Variants in SLC12A4 observed in about 807,000 individuals in gnomAD.
SLC12A4 encodes the protein electroneutral potassium-chloride cotransporter 1.
A neutral mutation model predicts 119.2 loss-of-function variants in SLC12A4; 84 were observed. The observed-to-expected ratio is 0.70, with a 90% CI of 0.59 to 0.85. SLC12A4 has a LOEUF of 0.85. Among genes scored for constraint, SLC12A4 ranks in the 40% least tolerant of loss-of-function variants. The pLI is 0.00. For missense variants in SLC12A4, 1,298 were observed against 1,476.3 expected (o/e 0.88, Z 1.98); for synonymous variants, 599 against 604.6 (o/e 0.99, Z 0.14).
At position 67,944,569 on chromosome 16, in the gene SLC12A4, G is replaced by C; in HGVS notation, c.*271C>G. ...GGCCGGCTGCCTTCAAACCCCACTCGGCCCCTACCAGTCTTCTCTGGCCAG... is the reference window on the plus strand; with the variant it reads ...GGCCGGCTGCCTTCAAACCCCACTCCGCCCCTACCAGTCTTCTCTGGCCAG... On this transcript the variant is annotated 3_prime_UTR_variant, in exon 24 of 24. Coordinates refer to ENST00000316341, the MANE Select transcript of SLC12A4 (RefSeq NM_005072.5). The surrounding 1 kb of genome is among the most constrained non-coding windows in gnomAD (Gnocchi z 6.6). 7.7e-7 allele frequency: 1 copy of C among 1,302,574 alleles called. No individual in the cohort carries two copies. Among genetic ancestry groups the C allele is most frequent in the African/African-American group, 1.5e-5 (1 of 67,580 alleles). The allele number at this position is 1,302,574 out of a possible 1,614,324, so 80.7% of individuals were successfully genotyped here.
In SLC12A4 at chr16:67,951,431, T is replaced by A; in HGVS notation, c.1133-127A>T. On this transcript the variant is annotated intron_variant, in intron 8 of 23. Transcript: ENST00000316341. The surrounding 1 kb of genome is among the most constrained non-coding windows in gnomAD (Gnocchi z 5.2). ...CAGGGAACAGCTTCAGCCCAATGAC[T>A]GCAGCGTCAGCCACAGGGCTACCCT... 2 of 1,045,444 alleles carry A rather than the reference T, an allele frequency of 1.9e-6. No individual in the cohort carries two copies. Among genetic ancestry groups the A allele is most frequent in the Non-Finnish European group, 2.7e-6 (2 of 730,346 alleles). The allele number at this position is 1,045,444 out of a possible 1,614,324, so 64.8% of individuals were successfully genotyped here. A position where few individuals can be genotyped will look rare whatever the true frequency, so the allele number is the denominator to read the frequency against.
chr16:67,952,394 T>TA lies in SLC12A4; in HGVS notation c.706dup (p.Tyr236LeufsTer7). The TA allele has an allele frequency of 6.2e-7, 1 of 1,613,988 alleles. No homozygotes were observed. The highest frequency in any genetic ancestry group is 1.1e-5 in the South Asian group (1 of 91,076). On this transcript the variant is annotated frameshift_variant, in exon 7 of 24. Transcript: ENST00000316341. LOFTEE classifies it high-confidence loss of function. The stretch of plus-strand genomic sequence containing the variant: ...CGACGTGTCATGAGCACCCGATGGG[T>TA]AAAAAATGGCAGCTGGTGGGGCAAT...
Position 67,946,229 on chromosome 16 carries a change from C to T in SLC12A4, c.2549G>A (p.Trp850Ter). The part of the protein sequence containing the change: ...RYLEGHIDVW[W>*]IVHDGGMLML... ...GAGCATGCCACCATCGTGCACGATC[C>T]ACCACACGTCTATGTGGCCCTCCAG... Residue 850 changes from tryptophan to a stop codon, truncating the protein, a stop_gained, in exon 19 of 24, where the codon TGG (tryptophan) becomes TAG (stop). Coordinates refer to ENST00000316341, the MANE Select transcript of SLC12A4 (RefSeq NM_005072.5). LOFTEE classifies it high-confidence loss of function. 6.2e-7 allele frequency: 1 copy of T among 1,613,942 alleles called. No individual in the cohort carries two copies. Among genetic ancestry groups the T allele is most frequent in the South Asian group, 1.1e-5 (1 of 91,092 alleles).
chr16:67,947,831 A>T (rs1598212297), intron 14 of SLC12A4, 43 bp from the exon 15 acceptor site: 2 of 1,549,574 alleles, frequency 1.3e-6, no homozygotes, highest in East Asian at 2.4e-5. Context: ...GACCAGGAGG[A>T]CCCCTGGCCA....
At position 67,951,691 on chromosome 16, in the gene SLC12A4, G is replaced by A; in HGVS notation, c.1132+132C>T. The A allele has an allele frequency of 1.2e-6, 1 of 820,730 alleles. No individual in the cohort carries two copies. The highest frequency in any genetic ancestry group is 1.9e-6 in the Non-Finnish European group (1 of 524,950). The allele number at this position is 820,730 out of a possible 1,614,324, so 50.8% of individuals were successfully genotyped here. A position where few individuals can be genotyped will look rare whatever the true frequency, so the allele number is the denominator to read the frequency against. Reference sequence around the variant, plus strand: ...TCGGCTGCCAGGAGCCAGGCTGGGAGGACACTGGGGGGCTGGGAAGGCGGC... The same window carrying A: ...TCGGCTGCCAGGAGCCAGGCTGGGAAGACACTGGGGGGCTGGGAAGGCGGC... On this transcript the variant is annotated intron_variant, in intron 8 of 23. Coordinates refer to ENST00000316341, the MANE Select transcript of SLC12A4 (RefSeq NM_005072.5). This position sits in a 1 kb window ranked among gnomAD's most constrained non-coding sequence, Gnocchi z 5.2.
rs954571516 is a variant in SLC12A4 at position 67,944,274 on chromosome 16, A to G, written c.*566T>C. 9 of 1,418,914 alleles carry G rather than the reference A, an allele frequency of 6.3e-6. No homozygotes were observed. The highest frequency in any genetic ancestry group is 8.3e-6 in the Non-Finnish European group (9 of 1,088,400). The allele number at this position is 1,418,914 out of a possible 1,614,324, so 87.9% of individuals were successfully genotyped here. On this transcript the variant is annotated 3_prime_UTR_variant, in exon 24 of 24. Transcript: ENST00000316341. The surrounding 1 kb of genome is among the most constrained non-coding windows in gnomAD (Gnocchi z 6.6). Reference sequence around the variant, plus strand: ...GGGAGCCGGCTCTGGGCCTGGGTTCAGTTCCGCCTTCTTCTCTTGGCGCCA... The same window carrying G: ...GGGAGCCGGCTCTGGGCCTGGGTTCGGTTCCGCCTTCTTCTCTTGGCGCCA...
intron 1 of SLC12A4, chr16:67,964,125 G>A: frequency 6.7e-7 from 1 of 1,496,172 alleles, no homozygotes. Context: ...CAAGCCCCAG[G>A]CCGTGGAGAG....
intron 1 of SLC12A4, chr16:67,963,896 A>C (rs1567427685): frequency 4.5e-6 from 7 of 1,548,484 alleles, no homozygotes; most frequent in Non-Finnish European, 6.1e-6. Flanking sequence ...GATCGCCTCC[A>C]CGCCCCAGTC....
At chr16:67,964,897 G>C (rs2151340814) in intron 1 of SLC12A4, among the ~76,000 whole-genome samples, 1 of 152,308 alleles carries the variant, frequency 6.6e-6, no homozygotes, top group Non-Finnish European at 1.5e-5. Context: ...CAGGTGCTGT[G>C]CTGTGGATTC....
chr16:67,955,495 G>A (rs2030203882), intron 5 of SLC12A4, among the ~76,000 whole-genome samples: 1 of 152,196 alleles, frequency 6.6e-6, no homozygotes, highest in Non-Finnish European at 1.5e-5. Context: ...GCTGGGGTGA[G>A]TGGATTGCTT....
At position 67,951,080 on chromosome 16, in the gene SLC12A4, T is replaced by A; in HGVS notation, c.1298-20A>T. On this transcript the variant is annotated intron_variant, in intron 9 of 23. Transcript: ENST00000316341. This position sits in a 1 kb window ranked among gnomAD's most constrained non-coding sequence, Gnocchi z 5.2. Reference sequence around the variant, plus strand: ...TGATGCCTCCAAAAACAGATGAGACTCCCTCAGGGGCTCCCCGGGATTGGG... The same window carrying A: ...TGATGCCTCCAAAAACAGATGAGACACCCTCAGGGGCTCCCCGGGATTGGG... 1 of 1,613,596 alleles carries A rather than the reference T, an allele frequency of 6.2e-7. No individual in the cohort carries two copies. The highest frequency in any genetic ancestry group is 8.5e-7 in the Non-Finnish European group (1 of 1,179,844).
At chr16:67,958,442 C>T (rs983530497) in intron 3 of SLC12A4, among the ~76,000 whole-genome samples, 4 of 152,240 alleles carry the variant, frequency 2.6e-5, no homozygotes, top group East Asian at 1.9e-4. Flanking sequence ...ACTCTAGTCC[C>T]GGTAGACACT....
intron 1 of SLC12A4, 143 bp from the exon 2 acceptor site, chr16:67,963,702 C>T: frequency 1.2e-6 from 1 of 828,004 alleles, no homozygotes; most frequent in Non-Finnish European, 1.8e-6. Context: ...TTTCACATGG[C>T]ACCGTGCCAA....
chr16:67,947,878 C>T lies in SLC12A4; in HGVS notation c.1848-90G>A, dbSNP rs565170141. 2.1e-4 allele frequency: 322 copies of T among 1,521,272 alleles called. 2 individuals are homozygous for T. In the African/African-American group the frequency reaches 3.6e-3, roughly 17 times the overall value. The allele number at this position is 1,521,272 out of a possible 1,614,324, so 94.2% of individuals were successfully genotyped here. A position where few individuals can be genotyped will look rare whatever the true frequency, so the allele number is the denominator to read the frequency against. On this transcript the variant is annotated intron_variant, in intron 14 of 23. Coordinates refer to ENST00000316341, the MANE Select transcript of SLC12A4 (RefSeq NM_005072.5). The stretch of plus-strand genomic sequence containing the variant: ...ATGCCCTGGTAGCCCTGTCAGGTCC[C>T]GGGTGGGAGGTCCCAGGTGGGTGGT...
intron 2 of SLC12A4, 22 bp downstream of exon 2, chr16:67,963,443 C>A: frequency 6.5e-7 from 1 of 1,543,456 alleles, no homozygotes; most frequent in Non-Finnish European, 8.7e-7. Context: ...AAACCTGTGG[C>A]CCAAAATGGC....
rs2058401829 is a variant in SLC12A4 at position 67,950,466 on chromosome 16, C to T, written c.1482G>A (p.Leu494=). ...AAGGCCAGGCCAGTGTGCCCACCAC[C>T]AAGTTCCTGCTGACACCATCGCCAT... ...DKYGDGVSRN[L]VVGTLAWPSP... is the part of the protein sequence containing the mutation. The change falls in exon 12 of 24, where the codon TTG becomes TTA. Residue 494 remains leucine, a synonymous_variant. Coordinates refer to ENST00000316341, the MANE Select transcript of SLC12A4 (RefSeq NM_005072.5). The surrounding 1 kb of genome is among the most constrained non-coding windows in gnomAD (Gnocchi z 4.3). The T allele has an allele frequency of 6.2e-7, 1 of 1,613,924 alleles. No individual in the cohort carries two copies. The highest frequency in any genetic ancestry group is 8.5e-7 in the Non-Finnish European group (1 of 1,180,038).
rs1436357500 is a variant in SLC12A4 at position 67,961,596 on chromosome 16, G to A, written c.321C>T (p.Gly107=). 3 of 1,613,680 alleles carry A rather than the reference G, an allele frequency of 1.9e-6. No homozygotes were observed. Among genetic ancestry groups the A allele is most frequent in the East Asian group, 2.2e-5 (1 of 44,880 alleles). Residue 107 remains glycine (G), a synonymous_variant, in exon 3 of 24, where the codon GGC becomes GGT. Transcript: ENST00000316341. ...TCACCTCGGCTGCCCTCCGGCGGGTGCCCTCCCCACTCTCGGCCTCCTCAT... is the reference window on the plus strand; with the variant it reads ...TCACCTCGGCTGCCCTCCGGCGGGTACCCTCCCCACTCTCGGCCTCCTCAT... ...KEHEEAESGE[G]TRRRAAEAPS...
At position 67,943,566 on chromosome 16, in the gene SLC12A4, A is replaced by C; in HGVS notation, c.*1274T>G. ...TGGGCCTAATAGGGGCCGGGCATGG[A>C]TGGGCCTCTCCTGCTCACCGATCCT... On this transcript the variant is annotated 3_prime_UTR_variant, in exon 24 of 24. Coordinates refer to ENST00000316341, the MANE Select transcript of SLC12A4 (RefSeq NM_005072.5). The surrounding 1 kb of genome is among the most constrained non-coding windows in gnomAD (Gnocchi z 4.6). 6.0e-6 allele frequency: 3 copies of C among 501,840 alleles called. No individual in the cohort carries two copies. Among genetic ancestry groups the C allele is most frequent in the Non-Finnish European group, 7.3e-6 (2 of 274,304 alleles). 31.1% of individuals were successfully genotyped at this position (501,840 alleles called of 1,614,324 possible).
Position 67,964,020 on chromosome 16 carries a change from G to C in SLC12A4, c.116-461C>G, listed in dbSNP as rs577204120. The C allele has an allele frequency of 4.8e-4, 748 of 1,551,066 alleles. 3 individuals are homozygous for C. In the African/African-American group the frequency reaches 9.3e-3, roughly 19 times the overall value. On this transcript the variant is annotated intron_variant, in intron 1 of 23. Transcript: ENST00000316341. The stretch of plus-strand genomic sequence containing the variant: ...GACGAAGCCGCACACAGCACCTTCG[G>C]CTGCCATGGCCCAAAGGTGGCCGGC...
Sources: gnomAD v4.1 joint callset for allele counts (sites outside exome capture counted in the v4.1 genomes callset) on GRCh38, gnomAD v4.1.1 for gene constraint, Gnocchi (gnomAD v3.1) non-coding constraint, MANE v1.5 for transcripts, NCBI Gene and HGNC (gene_info 2026-07-23, HGNC 2026-07-21) for gene names.